The following MRPL30 variants were observed in gnomAD, a reference collection of about 807,000 sequenced individuals.
MRPL30 encodes the protein mitochondrial ribosomal protein L30.
MRPL30 carries 10 observed loss-of-function variants against 17.2 expected under a neutral mutation model. The ratio of observed to expected loss-of-function variants is 0.58; its 90% CI spans 0.36 to 0.99. MRPL30 has a LOEUF of 0.99. MRPL30 is among the 50% of genes least tolerant of loss of function. The pLI, the probability that MRPL30 is intolerant of heterozygous loss-of-function variation, is 0.01. For synonymous variants in MRPL30, 61 were observed against 62.1 expected, an observed-to-expected ratio of 0.98 and a Z score of 0.08; for missense variants, 170 against 189.8, an observed-to-expected ratio of 0.90 and a Z score of 0.61.
At chr2:99,195,262 G>A (rs762806067) in intron 5 of MRPL30, 73 bp downstream of exon 5, 27 of 1,379,690 alleles carry the variant, frequency 2.0e-5, no homozygotes, top group Admixed American at 7.4e-5. Context: ...TTCTTTTTTC[G>A]TTAATGTTCT....
intron 1 of MRPL30, chr2:99,185,725 A>T (rs1468966343): frequency 2.3e-6 from 1 of 429,146 alleles, no homozygotes; most frequent in Admixed American, 2.6e-5. Context: ...AACTTTATTG[A>T]TAGCTGGATG....
chr2:99,194,842 CAAG>C lies in MRPL30; in HGVS notation c.229_231del (p.Arg78del). ...CATATTGTTACCAGAATAAAAAGTA[CAAG>C]AAGACGTCCATATTGGGAAAAAGAT... is the stretch of plus-strand genomic sequence containing the variant. On this transcript the variant is annotated inframe_deletion, in exon 4 of 6. Transcript: ENST00000338148. 1 of 1,592,058 alleles carries C rather than the reference CAAG, an allele frequency of 6.3e-7. No individual in the cohort carries two copies.
intron 3 of MRPL30, among the ~76,000 whole-genome samples, chr2:99,191,469 A>G (rs1347211369): frequency 6.6e-6 from 1 of 152,172 alleles, no homozygotes; most frequent in Admixed American, 6.6e-5. Flanking sequence ...CGTCTCTTGT[A>G]TTAGTTATGT....
chr2:99,189,441 A>G (rs1418889220), intron 3 of MRPL30, among the ~76,000 whole-genome samples: 1 of 152,220 alleles, frequency 6.6e-6, no homozygotes, highest in Non-Finnish European at 1.5e-5. Context: ...ATATACCTGT[A>G]AGGTTCCTCC....
chr2:99,194,715 T>A, intron 3 of MRPL30, 36 bp from the exon 4 acceptor site: 1 of 1,553,614 alleles, frequency 6.4e-7, no homozygotes, highest in Non-Finnish European at 8.6e-7. Flanking sequence ...ACTGTGTAAG[T>A]TGGAAATTTA....
At chr2:99,191,007 A>G (rs1446205009) in intron 3 of MRPL30, among the ~76,000 whole-genome samples, 2 of 151,064 alleles carry the variant, frequency 1.3e-5, no homozygotes, top group African/African-American at 4.9e-5. Context: ...GCCCCTGACT[A>G]TCTTTTTTTT....
At chr2:99,182,895 A>G (rs549212700) in intron 1 of MRPL30, among the ~76,000 whole-genome samples, 1 of 152,360 alleles carries the variant, frequency 6.6e-6, no homozygotes, top group African/African-American at 2.4e-5. Context: ...TATTGAATGT[A>G]CATGCACTAA....
chr2:99,181,289 G>A, intron 1 of MRPL30, 40 bp downstream of exon 1: 1 of 324,556 alleles, frequency 3.1e-6, no homozygotes, highest in Non-Finnish European at 5.8e-6. Context: ...GGCATTCTTC[G>A]CAAGGTGTAT....
intron 1 of MRPL30, among the ~76,000 whole-genome samples, chr2:99,184,583 A>T (rs2105241696): frequency 6.6e-6 from 1 of 152,302 alleles, no homozygotes; most frequent in African/African-American, 2.4e-5. Flanking sequence ...CTAAGATTTA[A>T]TGAGATGATT....
chr2:99,183,711 G>C (rs1394329683), intron 1 of MRPL30, among the ~76,000 whole-genome samples: 1 of 152,148 alleles, frequency 6.6e-6, no homozygotes, highest in Non-Finnish European at 1.5e-5. Flanking sequence ...TTCTGTATAT[G>C]CTACACTGTT....
intron 3 of MRPL30, among the ~76,000 whole-genome samples, chr2:99,193,809 C>T (rs534062934): frequency 3.2e-4 from 48 of 152,084 alleles, no homozygotes; most frequent in African/African-American, 1.1e-3. Flanking sequence ...GAGGCCAAGG[C>T]GGGCGGATCA....
rs927090556 is a variant in MRPL30 at position 99,199,349 on chromosome 2, A to T, written c.*3644A>T. On this transcript the variant is annotated 3_prime_UTR_variant, in exon 6 of 6. Coordinates refer to ENST00000338148, the MANE Select transcript of MRPL30 (RefSeq NM_145212.4). ...TCAAGACCTGAGGGAATTAATTAATAAGGAATCCTTGGAACACTGGAAATT... is the reference window on the plus strand; with the variant it reads ...TCAAGACCTGAGGGAATTAATTAATTAGGAATCCTTGGAACACTGGAAATT... Among the ~76,000 whole-genome samples the T allele has an allele frequency of 6.6e-6, 1 of 152,184 alleles. No individual in the cohort carries two copies. The highest frequency in any genetic ancestry group is 1.5e-5 in the Non-Finnish European group (1 of 68,040).
At position 99,196,194 on chromosome 2, in the gene MRPL30, CTG is replaced by C. The variant is rs2093954978; in HGVS notation, c.*491_*492del. Reference sequence around the variant, plus strand: ...TTAATTCTCTGTCCTTTCCCTTTCACTGTTTCACTCCAAAACATGTAAGAATG... The same window carrying C: ...TTAATTCTCTGTCCTTTCCCTTTCACTTTCACTCCAAAACATGTAAGAATG... On this transcript the variant is annotated 3_prime_UTR_variant, in exon 6 of 6. Transcript: ENST00000338148. 1 of 157,780 alleles carries C rather than the reference CTG, an allele frequency of 6.3e-6. No homozygotes were observed. The allele number at this position is 157,780 out of a possible 1,614,324, so 9.8% of individuals were successfully genotyped here.
chr2:99,186,041 T>G (rs1385400976), intron 1 of MRPL30, 136 bp from the exon 2 acceptor site: 24 of 602,152 alleles, frequency 4.0e-5, no homozygotes, highest in Non-Finnish European at 5.7e-5. Context: ...GTGCCCTTAT[T>G]ATATTAAAAT....
chr2:99,193,902 G>T (rs975831276), intron 3 of MRPL30, among the ~76,000 whole-genome samples: 1 of 152,182 alleles, frequency 6.6e-6, no homozygotes, highest in Non-Finnish European at 1.5e-5. Flanking sequence ...GCTGGGCACG[G>T]TGGTGTGCGC....
rs770941810 is a variant in MRPL30 at position 99,195,695 on chromosome 2, A to T, written c.476A>T (p.His159Leu). The change falls in exon 6 of 6, where the codon CAT becomes CTT. Residue 159 changes from histidine (H) to leucine (L), a missense_variant. Physicochemically the swap from His to Leu is moderately conservative, Grantham distance 99 (BLOSUM62 -3). Coordinates refer to ENST00000338148, the MANE Select transcript of MRPL30 (RefSeq NM_145212.4). The stretch of plus-strand genomic sequence containing the variant: ...CTGAAACCTGTGGAGCAGAAAGCAC[A>T]TGAGTCCTAATGCCCCAGCAGCTTC... ...WHLKPVEQKA[H>L]ES The T allele has an allele frequency of 6.2e-7, 1 of 1,612,756 alleles. No homozygotes were observed. Among genetic ancestry groups the T allele is most frequent in the East Asian group, 2.2e-5 (1 of 44,778 alleles).
At chr2:99,187,166 C>T (rs796678891) in intron 2 of MRPL30, 3 of 152,364 alleles carry the variant, frequency 2.0e-5, no homozygotes, top group African/African-American at 7.2e-5. Flanking sequence ...CAGCCCAGTG[C>T]CTGTCTTCTA....
intron 3 of MRPL30, among the ~76,000 whole-genome samples, chr2:99,192,431 A>C (rs765827734): frequency 1.3e-5 from 2 of 151,580 alleles, no homozygotes; most frequent in Non-Finnish European, 2.9e-5. Context: ...TTTGCCCCCG[A>C]CTCCCCGTGT....
chr2:99,190,514 G>A (rs1367262795), intron 3 of MRPL30, among the ~76,000 whole-genome samples: 1 of 151,032 alleles, frequency 6.6e-6, no homozygotes, highest in Non-Finnish European at 1.5e-5. Context: ...GCCATGATCG[G>A]ATCAGTGCAC....
Sources: gnomAD v4.1 joint callset for allele counts (sites outside exome capture counted in the v4.1 genomes callset) on GRCh38, gnomAD v4.1.1 for gene constraint, MANE v1.5 for transcripts, NCBI Gene and HGNC (gene_info 2026-07-23, HGNC 2026-07-21) for gene names.